The following TASP1 variants were observed in gnomAD, a reference collection of about 807,000 sequenced individuals.
TASP1 encodes the protein taspase 1.
In TASP1, 16 loss-of-function variants were observed where a neutral mutation model predicts 56.6. That is an observed-to-expected ratio of 0.28 (90% CI 0.19 to 0.43). TASP1 has a LOEUF of 0.43. Among genes scored for constraint, TASP1 ranks in the 20% least tolerant of loss-of-function variants. TASP1 has a pLI of 1.00. For synonymous variants in TASP1, 179 were observed against 184.2 expected (o/e 0.97, Z 0.23); for missense variants, 393 against 511.6 (o/e 0.77, Z 2.24).
intron 10 of TASP1, among the ~76,000 whole-genome samples, chr20:13,524,499 T>C (rs923741617): frequency 1.3e-5 from 2 of 152,130 alleles, no homozygotes; most frequent in Non-Finnish European, 2.9e-5. Flanking sequence ...TTTTTATTTG[T>C]ATACCGGGCA....
chr20:13,422,684 A>G (rs1053124246), intron 12 of TASP1, among the ~76,000 whole-genome samples: 1 of 152,170 alleles, frequency 6.6e-6, no homozygotes, highest in Non-Finnish European at 1.5e-5. Flanking sequence ...CGCAATTTTA[A>G]ATGGCAAAAT....
At chr20:13,173,330 A>G in the TASP1 span, among the ~76,000 whole-genome samples, 3 of 152,182 alleles carry the variant, frequency 2.0e-5, no homozygotes, top group African/African-American at 4.8e-5. Flanking sequence ...ATGAAATCTT[A>G]TAAGCTTCAT....
At chr20:13,213,317 A>C in the TASP1 span, among the ~76,000 whole-genome samples, 2 of 152,160 alleles carry the variant, frequency 1.3e-5, no homozygotes, top group Non-Finnish European at 2.9e-5. Flanking sequence ...TAAGGTATTT[A>C]TTATTTTTAA....
intron 5 of TASP1, among the ~76,000 whole-genome samples, chr20:13,584,916 A>G (rs1002686978): frequency 3.9e-5 from 6 of 152,244 alleles, no homozygotes; most frequent in Non-Finnish European, 4.4e-5. Context: ...TCCCACAAAG[A>G]AAACCCCGTT....
chr20:13,628,134 T>C (rs2048963110), intron 2 of TASP1, among the ~76,000 whole-genome samples: 1 of 152,260 alleles, frequency 6.6e-6, no homozygotes, highest in Non-Finnish European at 1.5e-5. Flanking sequence ...GAATAAGCTC[T>C]ACCTTTAATC....
chr20:13,401,724 A>C (rs921976388), intron 13 of TASP1, among the ~76,000 whole-genome samples: 2 of 152,238 alleles, frequency 1.3e-5, no homozygotes, highest in Non-Finnish European at 2.9e-5. Flanking sequence ...CAACCAAAAA[A>C]CAAAAACACC....
the TASP1 span, among the ~76,000 whole-genome samples, chr20:13,227,240 A>G: frequency 5.4e-4 from 82 of 152,170 alleles, no homozygotes; most frequent in African/African-American, 1.9e-3. Context: ...GTCTCACTCT[A>G]TCTCCCAGGC....
chr20:13,114,811 C>G, the TASP1 span, among the ~76,000 whole-genome samples: 2 of 152,122 alleles, frequency 1.3e-5, no homozygotes, highest in Non-Finnish European at 2.9e-5. Flanking sequence ...AGTTAGCTAG[C>G]CGGTGGTTTA....
intron 1 of TASP1, among the ~76,000 whole-genome samples, chr20:13,631,041 T>G (rs1445056303): frequency 1.3e-5 from 2 of 152,156 alleles, no homozygotes; most frequent in Non-Finnish European, 2.9e-5. Flanking sequence ...TGGGGAGTTT[T>G]TTATTTGTAT....
At chr20:13,492,546 A>G (rs1600986528) in intron 10 of TASP1, among the ~76,000 whole-genome samples, 1 of 152,210 alleles carries the variant, frequency 6.6e-6, no homozygotes, top group Admixed American at 6.5e-5. Flanking sequence ...CAGTGTCCCT[A>G]TGGTTATCAA....
intron 10 of TASP1, among the ~76,000 whole-genome samples, chr20:13,493,270 C>T (rs2043604056): frequency 6.6e-6 from 1 of 152,162 alleles, no homozygotes; most frequent in Admixed American, 6.6e-5. Context: ...ACTCTCTTTT[C>T]CTTGCTCTTC....
At chr20:13,632,191 C>A (rs1037713065) in intron 1 of TASP1, among the ~76,000 whole-genome samples, 3 of 151,544 alleles carry the variant, frequency 2.0e-5, no homozygotes, top group African/African-American at 7.3e-5. Context: ...GGTAAAACCC[C>A]GTCTCCACTA....
chr20:13,298,978 G>A, the TASP1 span: 104 of 1,613,498 alleles, frequency 6.4e-5, no homozygotes, highest in Non-Finnish European at 8.4e-5. Context: ...AGCTGCAAAA[G>A]CGAGTTCTTA....
At chr20:13,244,613 A>G in the TASP1 span, among the ~76,000 whole-genome samples, 1 of 152,238 alleles carries the variant, frequency 6.6e-6, no homozygotes, top group Non-Finnish European at 1.5e-5. Context: ...GTTCACAGGC[A>G]TGGTATTACC....
chr20:13,367,310 C>T, the TASP1 span, among the ~76,000 whole-genome samples: 1 of 152,168 alleles, frequency 6.6e-6, no homozygotes, highest in Non-Finnish European at 1.5e-5. Context: ...TTTAGATAAA[C>T]AAAATGTATT....
the TASP1 span, among the ~76,000 whole-genome samples, chr20:13,233,324 G>A: frequency 3.3e-5 from 5 of 152,158 alleles, no homozygotes; most frequent in East Asian, 1.9e-4. Context: ...TGCCGGGCGC[G>A]GTGGCTCATG....
intron 4 of TASP1, among the ~76,000 whole-genome samples, chr20:13,612,690 C>T (rs1474035878): frequency 6.6e-6 from 1 of 151,988 alleles, no homozygotes; most frequent in Non-Finnish European, 1.5e-5. Context: ...TCTTCCATTC[C>T]CACTATGAAC....
At chr20:13,157,381 G>A in the TASP1 span, among the ~76,000 whole-genome samples, 2 of 151,972 alleles carry the variant, frequency 1.3e-5, no homozygotes, top group African/African-American at 4.8e-5. Flanking sequence ...AGGTTGCAGT[G>A]AGCCAAGATC....
intron 3 of TASP1, among the ~76,000 whole-genome samples, chr20:13,624,519 CAGAG>C (rs200324013): frequency 1.8e-4 from 28 of 151,538 alleles, no homozygotes; most frequent in African/African-American, 4.1e-4. Flanking sequence ...ATGAAAAGAG[CAGAG>C]AGAGAGAGAC....
Sources: gnomAD v4.1 joint callset for allele counts (sites outside exome capture counted in the v4.1 genomes callset) on GRCh38, gnomAD v4.1.1 for gene constraint, MANE v1.5 for transcripts, NCBI Gene and HGNC (gene_info 2026-07-23, HGNC 2026-07-21) for gene names.